Variants in ING3 observed in about 807,000 individuals in gnomAD.
ING3 encodes inhibitor of growth protein 3.
Under a neutral mutation model 64.8 loss-of-function variants are expected in ING3, and 6 were observed. That is an observed-to-expected ratio of 0.09 (90% CI 0.05 to 0.18). The LOEUF (loss-of-function observed/expected upper bound fraction) is 0.18, where lower values mean the gene tolerates loss of function less well. ING3 is among the 10% of genes least tolerant of loss of function. The pLI, the probability that ING3 is intolerant of heterozygous loss-of-function variation, is 1.00. For synonymous variants in ING3, 170 were observed against 173.7 expected (o/e 0.98, Z 0.17); for missense variants, 310 against 489.7 (o/e 0.63, Z 3.46).
At chr7:120,969,573 T>G (rs1796041019) in intron 9 of ING3, among the ~76,000 whole-genome samples, 1 of 152,150 alleles carries the variant, frequency 6.6e-6, no homozygotes, top group African/African-American at 2.4e-5. Flanking sequence ...TGGTGATTTT[T>G]TTTTTTTAAA....
Position 120,974,861 on chromosome 7 carries a change from T to G in ING3, c.*17T>G. 6.5e-7 allele frequency: 1 copy of G among 1,542,774 alleles called. No individual in the cohort carries two copies. The highest frequency in any genetic ancestry group is 2.3e-5 in the East Asian group (1 of 44,274). On this transcript the variant is annotated 3_prime_UTR_variant, in exon 12 of 12. Transcript: ENST00000315870. Reference sequence around the variant, plus strand: ...CACAAATAAAGGTGGTCCTTTTGTTTGATGAAGAAATAAACTTCAGCTGAA... The same window carrying G: ...CACAAATAAAGGTGGTCCTTTTGTTGGATGAAGAAATAAACTTCAGCTGAA...
At chr7:120,957,578 G>A (rs964835271) in intron 4 of ING3, among the ~76,000 whole-genome samples, 2 of 152,148 alleles carry the variant, frequency 1.3e-5, no homozygotes, top group Non-Finnish European at 2.9e-5. Context: ...TTCTTAGAGG[G>A]TATAGGAAGA....
chr7:120,956,847 T>A lies in ING3; in HGVS notation c.267+1223T>A, dbSNP rs886773532. The A allele has an allele frequency of 5.3e-6, 5 of 946,474 alleles. No individual in the cohort carries two copies. The African/African-American group carries it at 8.9e-5, about 17-fold the overall frequency. 58.6% of individuals were successfully genotyped at this position (946,474 alleles called of 1,614,324 possible). ...CCTTATTTAGAGACTGCCTGCTTTT[T>A]AATTCATATAGCTCTTTGGTTCTAT... On this transcript the variant is annotated intron_variant, in intron 4 of 11. Coordinates refer to ENST00000315870, the MANE Select transcript of ING3 (RefSeq NM_019071.3).
At position 120,950,873 on chromosome 7, in the gene ING3, G is replaced by A. The variant is rs1224628027; in HGVS notation, c.-24G>A. The A allele has an allele frequency of 1.2e-6, 2 of 1,610,954 alleles. No homozygotes were observed. Among genetic ancestry groups the A allele is most frequent in the African/African-American group, 2.7e-5 (2 of 74,520 alleles). ...CACAAATAAACCCCTGGACCCCCTT[G>A]TTCCCTCAGCTCTAAGGGCCGCGAT... On this transcript the variant is annotated 5_prime_UTR_variant, in exon 1 of 12. Coordinates refer to ENST00000315870, the MANE Select transcript of ING3 (RefSeq NM_019071.3).
intron 1 of ING3, 37 bp downstream of exon 1, chr7:120,950,961 C>T: frequency 6.6e-7 from 1 of 1,507,730 alleles, no homozygotes; most frequent in Non-Finnish European, 9.0e-7. Flanking sequence ...GCCAGTGGGA[C>T]GTGCGGGCGG....
At chr7:120,973,268 G>A in intron 11 of ING3, 25 bp downstream of exon 11, 2 of 1,454,512 alleles carry the variant, frequency 1.4e-6, no homozygotes, top group Non-Finnish European at 1.9e-6. Context: ...TTTCTATTTA[G>A]GAATGAAAAA....
Position 120,951,317 on chromosome 7 carries a change from C to G in ING3, c.100+82C>G, listed in dbSNP as rs919341013. ...TTGTCATCACTGCTAGCGCCTAGTG[C>G]TCTTTCACTGTCCTCTGGCTCACTC... On this transcript the variant is annotated intron_variant, in intron 2 of 11. Transcript: ENST00000315870. 94 of 1,309,540 alleles carry G rather than the reference C, an allele frequency of 7.2e-5. 2 individuals carry two copies. The African/African-American group carries it at 1.3e-3, about 18-fold the overall frequency. The allele number at this position is 1,309,540 out of a possible 1,614,324, so 81.1% of individuals were successfully genotyped here.
intron 1 of ING3, 49 bp downstream of exon 1, chr7:120,950,973 C>G (rs967896900): frequency 2.4e-5 from 35 of 1,458,242 alleles, no homozygotes; most frequent in Admixed American, 3.5e-5. Flanking sequence ...TGCGGGCGGG[C>G]AAGAGCGCGA....
intron 4 of ING3, among the ~76,000 whole-genome samples, chr7:120,962,096 T>A (rs558596885): frequency 6.6e-6 from 1 of 152,322 alleles, no homozygotes; most frequent in South Asian, 2.1e-4. Context: ...CATGATGGAT[T>A]TCAGGCAAGT....
intron 4 of ING3, chr7:120,956,415 C>G: frequency 8.0e-7 from 1 of 1,250,894 alleles, no homozygotes; most frequent in Non-Finnish European, 1.0e-6. Flanking sequence ...TGAACAAGTA[C>G]GTGTAAGTAA....
At chr7:120,970,338 G>A (rs1041467575) in intron 9 of ING3, among the ~76,000 whole-genome samples, 24 of 151,870 alleles carry the variant, frequency 1.6e-4, no homozygotes, top group African/African-American at 4.4e-4. Flanking sequence ...GGTGGCGGGC[G>A]CCTGTAGTCC....
At chr7:120,972,261 T>C (rs1053536784) in intron 10 of ING3, among the ~76,000 whole-genome samples, 1 of 152,178 alleles carries the variant, frequency 6.6e-6, no homozygotes, top group Admixed American at 6.5e-5. Context: ...CTAGTTTTTA[T>C]ATGGTTTTGT....
At position 120,973,387 on chromosome 7, in the gene ING3, C is replaced by G. The variant is rs931726260; in HGVS notation, c.1140+144C>G. On this transcript the variant is annotated intron_variant, in intron 11 of 11. Coordinates refer to ENST00000315870, the MANE Select transcript of ING3 (RefSeq NM_019071.3). ...TATATTATGCTAATGCTAGAATATTCCTCTTCAAAATAGGGTAGTGTCCCT... is the reference window on the plus strand; with the variant it reads ...TATATTATGCTAATGCTAGAATATTGCTCTTCAAAATAGGGTAGTGTCCCT... The G allele has an allele frequency of 2.5e-4, 142 of 575,130 alleles. 2 individuals carry two copies. Among genetic ancestry groups the G allele is most frequent in the African/African-American group, 2.4e-3 (128 of 52,714 alleles). The allele number at this position is 575,130 out of a possible 1,614,324, so 35.6% of individuals were successfully genotyped here.
chr7:120,967,692 T>C (rs1796014026), intron 7 of ING3, 44 bp downstream of exon 7: 1 of 1,544,374 alleles, frequency 6.5e-7, no homozygotes, highest in Non-Finnish European at 8.8e-7. Flanking sequence ...TTGTTTGTGT[T>C]AGAGTAAGGG....
In ING3 at chr7:120,966,327, A is replaced by G. The variant is rs533095348; in HGVS notation, c.365-299A>G. ...ATGAGATTACAATGTCCATTCATCC[A>G]TTTATATGGCACCCACTATGGTGAA... On this transcript the variant is annotated intron_variant, in intron 5 of 11. Coordinates refer to ENST00000315870, the MANE Select transcript of ING3 (RefSeq NM_019071.3). 2.0e-4 allele frequency among the ~76,000 whole-genome samples: 30 copies of G among 152,286 alleles called. 1 individual carries two copies. Among genetic ancestry groups the G allele is most frequent in the African/African-American group, 7.2e-4 (30 of 41,564 alleles).
Position 120,955,954 on chromosome 7 carries a change from T to G in ING3, c.267+330T>G. 4 of 588,626 alleles carry G rather than the reference T, an allele frequency of 6.8e-6. No homozygotes were observed. In the East Asian group the frequency reaches 1.1e-4, roughly 17 times the overall value. The allele number at this position is 588,626 out of a possible 1,614,324, so 36.5% of individuals were successfully genotyped here. ...CTTAAGGTAGTGTGTTTACTTGCCT[T>G]ATACATCATTTTGAGATTGTTTCTG... On this transcript the variant is annotated intron_variant, in intron 4 of 11. Coordinates refer to ENST00000315870, the MANE Select transcript of ING3 (RefSeq NM_019071.3).
intron 1 of ING3, 117 bp downstream of exon 1, chr7:120,951,041 CGGT>C: frequency 6.6e-7 from 1 of 1,508,900 alleles, no homozygotes; most frequent in Non-Finnish European, 9.2e-7. Context: ...TTCTTTCTCA[CGGT>C]AACTGGCAGC....
intron 5 of ING3, 41 bp downstream of exon 5, chr7:120,964,879 C>T: frequency 6.7e-7 from 1 of 1,489,540 alleles, no homozygotes; most frequent in Non-Finnish European, 9.4e-7. Flanking sequence ...TTGGACAGTA[C>T]ATGTGCAAAT....
Position 120,953,190 on chromosome 7 carries a change from C to T in ING3, c.101-114C>T, listed in dbSNP as rs76697670. 1.0e-3 allele frequency: 566 copies of T among 542,376 alleles called. 4 individuals carry two copies. Among genetic ancestry groups the T allele is most frequent in the African/African-American group, 9.9e-3 (497 of 50,142 alleles). The allele number at this position is 542,376 out of a possible 1,614,324, so 33.6% of individuals were successfully genotyped here. ...ATCAAAGCATAACATATTTAAGTTA[C>T]TGGCAAGGTGAAAGAGTGTGTATTG... On this transcript the variant is annotated intron_variant, in intron 2 of 11. Coordinates refer to ENST00000315870, the MANE Select transcript of ING3 (RefSeq NM_019071.3).
Sources: allele counts gnomAD v4.1 joint callset (sites outside exome capture counted in the v4.1 genomes callset), GRCh38; gene constraint gnomAD v4.1.1; transcripts MANE v1.5; gene names NCBI Gene and HGNC (gene_info 2026-07-23, HGNC 2026-07-21).